Variants in MARCHF1 observed in about 807,000 individuals in gnomAD.
MARCHF1 encodes membrane associated ring-CH-type finger 1.
Under a neutral mutation model 54.2 loss-of-function variants are expected in MARCHF1, and 40 were observed. The ratio of observed to expected loss-of-function variants is 0.74; its 90% CI spans 0.57 to 0.96. The LOEUF (loss-of-function observed/expected upper bound fraction) is 0.96, where lower values mean the gene tolerates loss of function less well. MARCHF1 is among the 40% of genes least tolerant of loss of function. The pLI is 0.00. For missense variants in MARCHF1, 586 were observed against 656.5 expected, an observed-to-expected ratio of 0.89 and a Z score of 1.17; for synonymous variants, 236 against 236.3, an observed-to-expected ratio of 1.00 and a Z score of 0.01.
At chr4:163,558,393 TTC>T (rs991988409) in intron 8 of MARCHF1, among the ~76,000 whole-genome samples, 3 of 152,178 alleles carry the variant, frequency 2.0e-5, no homozygotes, top group African/African-American at 7.2e-5. Context: ...GGAAGAGTTT[TTC>T]TGTTGTTCTG....
chr4:163,915,366 T>G (rs1012144573), intron 3 of MARCHF1, among the ~76,000 whole-genome samples: 2 of 152,070 alleles, frequency 1.3e-5, no homozygotes, highest in East Asian at 3.9e-4. Context: ...TCCAAATAGA[T>G]AGGCATCCTA....
intron 4 of MARCHF1, among the ~76,000 whole-genome samples, chr4:163,765,938 A>T (rs942254583): frequency 2.0e-5 from 3 of 147,696 alleles, no homozygotes; most frequent in Non-Finnish European, 3.0e-5. Flanking sequence ...ATACATATAA[A>T]TATATATAAT....
chr4:163,859,006 A>G (rs1213074231), intron 3 of MARCHF1, among the ~76,000 whole-genome samples: 1 of 152,200 alleles, frequency 6.6e-6, no homozygotes, highest in Non-Finnish European at 1.5e-5. Context: ...AGATGTTCAT[A>G]GTTGTATTCT....
At chr4:164,332,596 A>AAAAGATCAGTTTT (rs1729577199) in intron 1 of MARCHF1, among the ~76,000 whole-genome samples, 1 of 147,500 alleles carries the variant, frequency 6.8e-6, no homozygotes, top group Non-Finnish European at 1.5e-5. Flanking sequence ...CAGGGTGCAG[A>AAAAGATCAGTTTT]AAAGATCAGT....
intron 1 of MARCHF1, among the ~76,000 whole-genome samples, chr4:164,381,238 C>A (rs1428123144): frequency 6.6e-6 from 1 of 152,088 alleles, no homozygotes; most frequent in East Asian, 1.9e-4. Context: ...ACAAAATAGG[C>A]AAAGTATGTG....
In MARCHF1 at chr4:163,552,411, G is replaced by C. The variant is rs532538090; in HGVS notation, c.1192-6668C>G. Among the ~76,000 whole-genome samples the C allele has an allele frequency of 7.2e-5, 11 of 152,290 alleles. 1 individual carries two copies. The South Asian group carries it at 1.0e-3, about 14-fold the overall frequency. On this transcript the variant is annotated intron_variant, in intron 8 of 9. Coordinates refer to ENST00000514618, the MANE Select transcript of MARCHF1 (RefSeq NM_001394959.1). ...GGGGGAAGTAGTTAACTGAGACCCA[G>C]GTTTGGGTAAAGATACCACTGCAAG...
At chr4:164,248,010 A>ATT (rs1733007510) in intron 1 of MARCHF1, among the ~76,000 whole-genome samples, 3 of 151,820 alleles carry the variant, frequency 2.0e-5, no homozygotes, top group African/African-American at 7.3e-5. Flanking sequence ...CACACTTAGT[A>ATT]AACATGGGAA....
intron 3 of MARCHF1, among the ~76,000 whole-genome samples, chr4:163,980,007 A>G (rs1752729430): frequency 6.6e-6 from 1 of 151,836 alleles, no homozygotes; most frequent in Non-Finnish European, 1.5e-5. Flanking sequence ...ACAGAATTGG[A>G]AAAAACTACT....
intron 1 of MARCHF1, among the ~76,000 whole-genome samples, chr4:164,125,449 T>A (rs1364263636): frequency 6.6e-6 from 1 of 152,162 alleles, no homozygotes; most frequent in East Asian, 1.9e-4. Context: ...GGACCAAGTT[T>A]AAGTTAAGAA....
chr4:164,312,361 C>G (rs971013641), intron 1 of MARCHF1, among the ~76,000 whole-genome samples: 1 of 122,774 alleles, frequency 8.1e-6, no homozygotes. Flanking sequence ...CTGGCTCTAT[C>G]GCCCAGGCTG....
intron 7 of MARCHF1, among the ~76,000 whole-genome samples, chr4:163,606,267 T>C (rs922720351): frequency 9.2e-5 from 14 of 152,052 alleles, no homozygotes; most frequent in African/African-American, 2.4e-4. Flanking sequence ...CCCATTATTG[T>C]CTCCATGTTT....
intron 2 of MARCHF1, among the ~76,000 whole-genome samples, chr4:163,993,860 T>A (rs1400884907): frequency 1.3e-4 from 20 of 152,152 alleles, no homozygotes; most frequent in Admixed American, 1.3e-3. Flanking sequence ...AATTAGCTTG[T>A]GAATATAATT....
intron 3 of MARCHF1, among the ~76,000 whole-genome samples, chr4:163,898,985 T>A (rs564635180): frequency 6.6e-6 from 1 of 152,284 alleles, no homozygotes; most frequent in South Asian, 2.1e-4. Context: ...AGCTAAACAA[T>A]GTGTCCACAT....
intron 4 of MARCHF1, among the ~76,000 whole-genome samples, chr4:163,850,562 T>C (rs373438389): frequency 2.6e-4 from 39 of 152,232 alleles, no homozygotes; most frequent in East Asian, 1.2e-3. Flanking sequence ...GCTACTGAAA[T>C]ACAGAAATTT....
intron 1 of MARCHF1, among the ~76,000 whole-genome samples, chr4:164,145,307 C>G (rs1386333405): frequency 6.6e-6 from 1 of 151,874 alleles, no homozygotes. Flanking sequence ...AGGGAATCCT[C>G]CCTAACTCAT....
chr4:163,949,588 A>T (rs1360974718), intron 3 of MARCHF1, among the ~76,000 whole-genome samples: 1 of 152,182 alleles, frequency 6.6e-6, no homozygotes, highest in African/African-American at 2.4e-5. Flanking sequence ...AGACAAGTGG[A>T]GGGTAAGCAA....
intron 4 of MARCHF1, among the ~76,000 whole-genome samples, chr4:163,776,615 T>C (rs1275914284): frequency 6.6e-6 from 1 of 152,148 alleles, no homozygotes; most frequent in Non-Finnish European, 1.5e-5. Context: ...TAATACTTAA[T>C]TGTTTTCATG....
intron 1 of MARCHF1, among the ~76,000 whole-genome samples, chr4:164,214,137 A>T (rs556589514): frequency 1.2e-4 from 18 of 151,216 alleles, no homozygotes; most frequent in Non-Finnish European, 2.2e-4. Context: ...ACATACAACA[A>T]TATTTTAAGT....
intron 5 of MARCHF1, among the ~76,000 whole-genome samples, chr4:163,649,076 A>ATT (rs553507301): frequency 6.6e-6 from 1 of 151,812 alleles, no homozygotes; most frequent in Admixed American, 6.6e-5. Context: ...TATGTGATTT[A>ATT]TTTTTTTTCT....
Sources: gnomAD v4.1 joint callset for allele counts (sites outside exome capture counted in the v4.1 genomes callset) on GRCh38, gnomAD v4.1.1 for gene constraint, MANE v1.5 for transcripts, NCBI Gene and HGNC (gene_info 2026-07-23, HGNC 2026-07-21) for gene names.